MSRA: variants seen among roughly 807,000 people sequenced by gnomAD.
The protein encoded by MSRA is methionine sulfoxide reductase A.
In MSRA, 54 loss-of-function variants were observed where a neutral mutation model predicts 31.3. The observed-to-expected ratio is 1.73, with a 90% CI of 1.39 to 2.17. The LOEUF (loss-of-function observed/expected upper bound fraction) is 2.17, where lower values mean the gene tolerates loss of function less well. Among genes scored for constraint, MSRA ranks in the 30% most tolerant of loss-of-function variants. The probability of loss-of-function intolerance (pLI) is 0.00; values close to 1 mark genes in which losing one functional copy is unlikely to be tolerated. For missense variants in MSRA, 507 were observed against 300.9 expected, an observed-to-expected ratio of 1.69 and a Z score of -5.07; for synonymous variants, 169 against 116.5, an observed-to-expected ratio of 1.45 and a Z score of -2.90.
intron 5 of MSRA, among the ~76,000 whole-genome samples, chr8:10,402,840 A>G (rs964724840): frequency 3.9e-5 from 6 of 152,230 alleles, no homozygotes; most frequent in Non-Finnish European, 5.9e-5. Flanking sequence ...ATTTAAGCAC[A>G]AAATTGTATT....
At chr8:10,301,858 CA>C (rs1321245366) in intron 4 of MSRA, among the ~76,000 whole-genome samples, 2 of 152,114 alleles carry the variant, frequency 1.3e-5, no homozygotes, top group Non-Finnish European at 2.9e-5. Flanking sequence ...TTACAGCTGT[CA>C]GGGGTGGGAA....
chr8:10,229,278 A>T (rs1811262602), intron 2 of MSRA, among the ~76,000 whole-genome samples: 1 of 152,234 alleles, frequency 6.6e-6, no homozygotes, highest in South Asian at 2.1e-4. Flanking sequence ...AGACGCATTA[A>T]GCTTTTGCAA....
intron 3 of MSRA, among the ~76,000 whole-genome samples, chr8:10,266,035 A>T (rs1052737535): frequency 6.6e-6 from 1 of 152,168 alleles, no homozygotes; most frequent in African/African-American, 2.4e-5. Flanking sequence ...GGCTGTTACA[A>T]ATAATGCTGC....
intron 3 of MSRA, among the ~76,000 whole-genome samples, chr8:10,249,944 C>G (rs1797831590): frequency 6.6e-6 from 1 of 152,170 alleles, no homozygotes; most frequent in Non-Finnish European, 1.5e-5. Context: ...ATGCCACTTA[C>G]TGGAAAGGTG....
chr8:10,288,307 C>T (rs750291576), intron 3 of MSRA, among the ~76,000 whole-genome samples: 25 of 152,088 alleles, frequency 1.6e-4, no homozygotes, highest in African/African-American at 4.6e-4. Flanking sequence ...CTTTAGAAGC[C>T]GTAGCCATTT....
chr8:10,081,947 T>TG (rs1798315384), intron 1 of MSRA, among the ~76,000 whole-genome samples: 2 of 152,202 alleles, frequency 1.3e-5, no homozygotes, highest in Admixed American at 1.3e-4. Context: ...CTCATGCCTG[T>TG]GTCCCAGCGC....
At chr8:10,163,275 C>T (rs1804825192) in intron 1 of MSRA, among the ~76,000 whole-genome samples, 1 of 152,170 alleles carries the variant, frequency 6.6e-6, no homozygotes, top group Middle Eastern at 3.2e-3. Context: ...CGACTCAGAC[C>T]ACGCTGTAGG....
chr8:10,102,239 T>G (rs1315091894), intron 1 of MSRA, among the ~76,000 whole-genome samples: 2 of 152,220 alleles, frequency 1.3e-5, no homozygotes, highest in African/African-American at 2.4e-5. Flanking sequence ...TGTGCCCTCT[T>G]TCTCCTTTCC....
intron 1 of MSRA, among the ~76,000 whole-genome samples, chr8:10,155,984 A>G (rs965265889): frequency 6.6e-6 from 1 of 152,114 alleles, no homozygotes; most frequent in Non-Finnish European, 1.5e-5. Context: ...CAATGTAGAG[A>G]TTGGCCGTGA....
At chr8:10,401,575 G>A (rs555955866) in intron 5 of MSRA, among the ~76,000 whole-genome samples, 10 of 152,228 alleles carry the variant, frequency 6.6e-5, no homozygotes, top group South Asian at 2.1e-4. Flanking sequence ...TATATCCAGC[G>A]GAATTGAAAG....
chr8:10,222,789 C>T (rs556120903), intron 2 of MSRA, among the ~76,000 whole-genome samples: 4 of 152,302 alleles, frequency 2.6e-5, no homozygotes, highest in South Asian at 2.1e-4. Flanking sequence ...TTAGAAAAGT[C>T]GAACTCATCA....
chr8:10,402,885 A>AC (rs1313160840), intron 5 of MSRA, among the ~76,000 whole-genome samples: 1 of 152,214 alleles, frequency 6.6e-6, no homozygotes. Flanking sequence ...ATGGGTAATG[A>AC]CCCTGATTCT....
chr8:10,082,484 T>G (rs1272305891), intron 1 of MSRA, among the ~76,000 whole-genome samples: 2 of 152,176 alleles, frequency 1.3e-5, no homozygotes, highest in African/African-American at 4.8e-5. Flanking sequence ...ACGTCATCTT[T>G]TCTCCCACAA....
At chr8:10,392,902 A>C (rs926730974) in intron 5 of MSRA, among the ~76,000 whole-genome samples, 3 of 149,452 alleles carry the variant, frequency 2.0e-5, no homozygotes, top group African/African-American at 7.4e-5. Context: ...AAAAAAAAAA[A>C]AAAAAAAAAA....
At chr8:10,216,804 G>T (rs1810036723) in intron 2 of MSRA, among the ~76,000 whole-genome samples, 1 of 152,158 alleles carries the variant, frequency 6.6e-6, no homozygotes, top group African/African-American at 2.4e-5. Context: ...CCATTCACCT[G>T]TCAATCAATA....
chr8:10,217,602 C>G (rs1378397191), intron 2 of MSRA, among the ~76,000 whole-genome samples: 1 of 152,192 alleles, frequency 6.6e-6, no homozygotes, highest in Non-Finnish European at 1.5e-5. Context: ...TCAGCTTCCA[C>G]AGGTCTCAGT....
At chr8:10,378,290 T>C (rs1249152068) in intron 5 of MSRA, among the ~76,000 whole-genome samples, 3 of 152,280 alleles carry the variant, frequency 2.0e-5, no homozygotes, top group Non-Finnish European at 2.9e-5. Context: ...TTCTGGATTC[T>C]AAGGGACCAC....
chr8:10,085,623 T>A (rs1387321108), intron 1 of MSRA, among the ~76,000 whole-genome samples: 2 of 152,204 alleles, frequency 1.3e-5, no homozygotes, highest in African/African-American at 4.8e-5. Context: ...ACCACAAAAT[T>A]CACCTCTTCT....
At chr8:10,157,738 A>G (rs749020094) in intron 1 of MSRA, among the ~76,000 whole-genome samples, 3 of 152,072 alleles carry the variant, frequency 2.0e-5, no homozygotes, top group Middle Eastern at 6.8e-3. Context: ...ACACATTGCA[A>G]TTGCTGATAG....
Sources: gnomAD v4.1 joint callset for allele counts (sites outside exome capture counted in the v4.1 genomes callset) on GRCh38, gnomAD v4.1.1 for gene constraint, MANE v1.5 for transcripts, NCBI Gene and HGNC (gene_info 2026-07-23, HGNC 2026-07-21) for gene names.